The following PARD3B variants were observed in gnomAD, a reference collection of about 807,000 sequenced individuals.
The protein encoded by PARD3B is partitioning defective 3 homolog B.
A neutral mutation model predicts 130.2 loss-of-function variants in PARD3B; 103 were observed. The ratio of observed to expected loss-of-function variants is 0.79; its 90% CI spans 0.67 to 0.93. The LOEUF is 0.93. Among genes scored for constraint, PARD3B ranks in the 40% least tolerant of loss-of-function variants. The pLI, the probability that PARD3B is intolerant of heterozygous loss-of-function variation, is 0.00. For synonymous variants in PARD3B, 583 were observed against 553.2 expected (o/e 1.05, Z -0.76); for missense variants, 1,609 against 1,499.2 (o/e 1.07, Z -1.21).
intron 19 of PARD3B, among the ~76,000 whole-genome samples, chr2:205,423,039 C>A (rs926980413): frequency 1.3e-5 from 2 of 152,190 alleles, no homozygotes; most frequent in African/African-American, 2.4e-5. Context: ...ATGGTAGAAC[C>A]TTTCTCCTCG....
intron 3 of PARD3B, among the ~76,000 whole-genome samples, chr2:205,047,303 G>A (rs1325640483): frequency 6.6e-6 from 1 of 152,100 alleles, no homozygotes; most frequent in Non-Finnish European, 1.5e-5. Context: ...ATTGTACACA[G>A]TCAACTTGTG....
intron 21 of PARD3B, among the ~76,000 whole-genome samples, chr2:205,511,436 G>A (rs973267183): frequency 9.9e-5 from 15 of 152,138 alleles, no homozygotes; most frequent in African/African-American, 2.7e-4. Context: ...CCAGGATGTC[G>A]AGTTTAGAAT....
intron 2 of PARD3B, among the ~76,000 whole-genome samples, chr2:204,857,326 GTT>G (rs1027295625): frequency 6.6e-6 from 1 of 152,020 alleles, no homozygotes; most frequent in Non-Finnish European, 1.5e-5. Context: ...AATAAATCCT[GTT>G]TGTATCTGTC....
chr2:205,000,018 G>A (rs1285024791), intron 3 of PARD3B, among the ~76,000 whole-genome samples: 1 of 151,398 alleles, frequency 6.6e-6, no homozygotes, highest in Non-Finnish European at 1.5e-5. Flanking sequence ...CAAGTCACAG[G>A]GTTTTTTTTT....
intron 15 of PARD3B, among the ~76,000 whole-genome samples, chr2:205,195,192 T>A (rs1028374445): frequency 1.3e-5 from 2 of 152,180 alleles, no homozygotes; most frequent in Non-Finnish European, 2.9e-5. Flanking sequence ...TTAGCCGTCA[T>A]TCTTTGCATT....
intron 20 of PARD3B, among the ~76,000 whole-genome samples, chr2:205,443,954 T>C (rs1227080636): frequency 6.6e-6 from 1 of 152,098 alleles, no homozygotes; most frequent in South Asian, 2.1e-4. Context: ...GCCTGAGCAA[T>C]ATAGCAAGAC....
intron 4 of PARD3B, among the ~76,000 whole-genome samples, chr2:205,087,608 A>T (rs1305837158): frequency 6.6e-6 from 1 of 152,178 alleles, no homozygotes; most frequent in Non-Finnish European, 1.5e-5. Flanking sequence ...AAATGAGAGT[A>T]ATGAATGCAA....
intron 11 of PARD3B, 150 bp from the exon 12 acceptor site, chr2:205,172,061 T>C (rs563385114): frequency 3.7e-5 from 26 of 710,158 alleles, no homozygotes; most frequent in African/African-American, 7.2e-5. Flanking sequence ...CTCCAGAGCC[T>C]TTTTCTGCCA....
chr2:205,186,284 TA>T (rs1205505638), intron 14 of PARD3B, among the ~76,000 whole-genome samples: 1 of 152,152 alleles, frequency 6.6e-6, no homozygotes, highest in Non-Finnish European at 1.5e-5. Context: ...TAATGGAATC[TA>T]AAAATTAAAG....
At chr2:205,314,035 G>A (rs1035626919) in intron 18 of PARD3B, among the ~76,000 whole-genome samples, 2 of 152,086 alleles carry the variant, frequency 1.3e-5, no homozygotes, top group Non-Finnish European at 2.9e-5. Context: ...TGAGTTCCTG[G>A]TGGGACTGTA....
rs1271255935 is a variant in PARD3B, at chr2:204,890,721, G to A, written c.223-74431G>A. ...TAGATGTACACATGGCCTAAGGCCT[G>A]CTAGCCACAGGGAGGCAGGGATGTC... On this transcript the variant is annotated intron_variant, in intron 2 of 22. Coordinates refer to ENST00000406610, the MANE Select transcript of PARD3B (RefSeq NM_001302769.2). The surrounding 1 kb of genome is among the most constrained non-coding windows in gnomAD (Gnocchi z 4.9). Among the ~76,000 whole-genome samples, 1 of 152,210 alleles carries A rather than the reference G, an allele frequency of 6.6e-6. No homozygotes were observed. The highest frequency in any genetic ancestry group is 6.5e-5 in the Admixed American group (1 of 15,282).
rs1429081478 is a variant in PARD3B at position 204,638,343 on chromosome 2, A to G, written c.121-47838A>G. Among the ~76,000 whole-genome samples, 4 of 152,230 alleles carry G rather than the reference A, an allele frequency of 2.6e-5. No individual in the cohort carries two copies. In the East Asian group the frequency reaches 7.7e-4, roughly 29 times the overall value. ...TTATTAAAGCGATTTCATAGATATC[A>G]TCTTCTACTTTATGTAACAGTTACT... On this transcript the variant is annotated intron_variant, in intron 1 of 22. Coordinates refer to ENST00000406610, the MANE Select transcript of PARD3B (RefSeq NM_001302769.2).
intron 18 of PARD3B, among the ~76,000 whole-genome samples, chr2:205,344,594 T>C (rs2043679455): frequency 6.6e-6 from 1 of 152,194 alleles, no homozygotes; most frequent in Non-Finnish European, 1.5e-5. Flanking sequence ...TCTATGGGCA[T>C]TCCCTAGAAA....
intron 16 of PARD3B, among the ~76,000 whole-genome samples, chr2:205,249,297 T>C (rs571371656): frequency 3.9e-5 from 6 of 151,922 alleles, no homozygotes; most frequent in Non-Finnish European, 5.9e-5. Flanking sequence ...CAAATTAAAT[T>C]GTATATACTG....
intron 10 of PARD3B, among the ~76,000 whole-genome samples, chr2:205,130,397 A>G (rs1227996426): frequency 1.3e-5 from 2 of 152,196 alleles, no homozygotes; most frequent in African/African-American, 4.8e-5. Flanking sequence ...TCTTATGCTA[A>G]ATGTCAGATA....
intron 18 of PARD3B, among the ~76,000 whole-genome samples, chr2:205,322,613 A>G (rs141096424): frequency 6.6e-6 from 1 of 152,304 alleles, no homozygotes; most frequent in African/African-American, 2.4e-5. Flanking sequence ...GAATTTGTCC[A>G]TATAGCTAAC....
intron 19 of PARD3B, among the ~76,000 whole-genome samples, chr2:205,408,221 TCA>T (rs2046476491): frequency 6.6e-6 from 1 of 152,200 alleles, no homozygotes; most frequent in Non-Finnish European, 1.5e-5. Context: ...TTAGTTTAAA[TCA>T]ATACATGTGT....
intron 22 of PARD3B, among the ~76,000 whole-genome samples, chr2:205,567,176 A>ATATG (rs1173995029): frequency 1.3e-5 from 2 of 152,166 alleles, no homozygotes; most frequent in Non-Finnish European, 2.9e-5. Context: ...ATATTTAATA[A>ATATG]TATGTATGTA....
At chr2:205,354,477 G>A (rs375890858) in intron 18 of PARD3B, among the ~76,000 whole-genome samples, 14 of 30,336 alleles carry the variant, frequency 4.6e-4, no homozygotes, top group East Asian at 3.8e-3. Flanking sequence ...ATGAAAAAAA[G>A]TAAAAAATTA....
Sources: gnomAD v4.1 joint callset for allele counts (sites outside exome capture counted in the v4.1 genomes callset) on GRCh38, gnomAD v4.1.1 for gene constraint, Gnocchi (gnomAD v3.1) non-coding constraint, MANE v1.5 for transcripts, NCBI Gene and HGNC (gene_info 2026-07-23, HGNC 2026-07-21) for gene names.